Variants in FCSK observed in about 807,000 individuals in gnomAD.
The protein encoded by FCSK is fucose kinase.
FCSK carries 123 observed loss-of-function variants against 122.5 expected under a neutral mutation model. The ratio of observed to expected loss-of-function variants is 1.00; its 90% CI spans 0.87 to 1.17. FCSK has a LOEUF of 1.17. Ranked by LOEUF, FCSK falls within the 50% of genes most tolerant of loss-of-function variation. FCSK has a pLI of 0.00. For missense variants in FCSK, 1,366 were observed against 1,450.4 expected, an observed-to-expected ratio of 0.94 and a Z score of 0.95; for synonymous variants, 620 against 625.5, an observed-to-expected ratio of 0.99 and a Z score of 0.13.
intron 18 of FCSK, 91 bp downstream of exon 18, chr16:70,475,102 G>C: frequency 7.9e-7 from 1 of 1,258,914 alleles, no homozygotes; most frequent in African/African-American, 1.5e-5. Context: ...GGTCTGGCCT[G>C]AGGGCCAGCC....
chr16:70,474,173 G>C lies in FCSK; in HGVS notation c.1822G>C (p.Ala608Pro). Residue 608 changes from alanine (A) to proline (P), a missense_variant, in exon 16 of 24, where the codon GCC becomes CCC. Coordinates refer to ENST00000288078, the MANE Select transcript of FCSK (RefSeq NM_145059.3). ...GDPGVAARAL[A>P]CVADVLGCMA... ...CCCTGGTGTGGCGGCACGGGCACTG[G>C]CCTGTGTGGCGGACGTCCTGGGCTG... The C allele has an allele frequency of 6.4e-7, 1 of 1,561,324 alleles. No individual in the cohort carries two copies. The highest frequency in any genetic ancestry group is 8.7e-7 in the Non-Finnish European group (1 of 1,153,250).
rs2048892314 is a variant in FCSK, at chr16:70,478,634, T to G, written c.2913T>G (p.Ala971=). ...HSLVRQTEEC[A]EGFRQGSLPL... is the part of the protein sequence containing the mutation. ...TGGTACGGCAAACTGAGGAGTGTGC[T>G]GAAGGCTTCCGCCAAGGTGAGGGGC... The change falls in exon 22 of 24, where the codon GCT becomes GCG. Residue 971 remains alanine, a synonymous_variant. Coordinates refer to ENST00000288078, the MANE Select transcript of FCSK (RefSeq NM_145059.3). The G allele has an allele frequency of 6.2e-7, 1 of 1,613,578 alleles. No individual in the cohort carries two copies. Among genetic ancestry groups the G allele is most frequent in the Non-Finnish European group, 8.5e-7 (1 of 1,179,990 alleles).
rs781017031 is a variant in FCSK, at chr16:70,479,414, G to T, written c.3153+11G>T. ...CTGGCCAAGACCGAGGTACTGATGGGGCTGGGGTTGGTAAAGAGACCTCTG... is the reference window on the plus strand; with the variant it reads ...CTGGCCAAGACCGAGGTACTGATGGTGCTGGGGTTGGTAAAGAGACCTCTG... On this transcript the variant is annotated intron_variant, in intron 23 of 23. Coordinates refer to ENST00000288078, the MANE Select transcript of FCSK (RefSeq NM_145059.3). 6.2e-7 allele frequency: 1 copy of T among 1,607,480 alleles called. No individual in the cohort carries two copies. Among genetic ancestry groups the T allele is most frequent in the Admixed American group, 1.7e-5 (1 of 59,252 alleles).
intron 1 of FCSK, chr16:70,458,067 G>C (rs907913734): frequency 1.4e-5 from 2 of 138,534 alleles, no homozygotes; most frequent in Non-Finnish European, 3.0e-5. Context: ...GTCTAAGGGT[G>C]TTGTCAAGAT....
chr16:70,476,122 C>G (rs980516195), intron 20 of FCSK: 26 of 163,348 alleles, frequency 1.6e-4, no homozygotes, highest in African/African-American at 4.8e-4. Context: ...CCTGCCTCAG[C>G]CTCCCGAGTA....
Position 70,480,264 on chromosome 16 carries a change from C to T in FCSK, c.*584C>T, listed in dbSNP as rs2048952853. On this transcript the variant is annotated 3_prime_UTR_variant, in exon 24 of 24. Transcript: ENST00000288078. ...CTGGCATTCTTGGAATAAATTCACT[C>T]TGTCCTTGCAGGTGGTCCTCGTAAA... The T allele has an allele frequency of 6.5e-6, 1 of 153,658 alleles. No homozygotes were observed. Among genetic ancestry groups the T allele is most frequent in the Admixed American group, 6.5e-5 (1 of 15,444 alleles). 9.5% of individuals were successfully genotyped at this position (153,658 alleles called of 1,614,324 possible). A position where few individuals can be genotyped will look rare whatever the true frequency, so the allele number is the denominator to read the frequency against.
At chr16:70,471,534 C>T (rs1042482700) in intron 13 of FCSK, among the ~76,000 whole-genome samples, 182 bp downstream of exon 13, 1 of 152,208 alleles carries the variant, frequency 6.6e-6, no homozygotes, top group Admixed American at 6.5e-5. Flanking sequence ...GCTGTGAGAC[C>T]AGCAGAGTCT....
chr16:70,466,349 T>A, intron 5 of FCSK, 92 bp downstream of exon 5: 1 of 1,510,578 alleles, frequency 6.6e-7, no homozygotes, highest in Non-Finnish European at 9.0e-7. Flanking sequence ...CTGGCTCAGC[T>A]GGGAGAAGGA....
intron 8 of FCSK, among the ~76,000 whole-genome samples, 177 bp downstream of exon 8, chr16:70,468,143 C>T (rs1044861173): frequency 3.3e-5 from 5 of 152,122 alleles, no homozygotes; most frequent in African/African-American, 4.8e-5. Flanking sequence ...TAGAACCAGG[C>T]GGGCACGGTG....
Position 70,474,870 on chromosome 16 carries a change from C to T in FCSK, c.2236C>T (p.Arg746Trp), listed in dbSNP as rs773011854. The T allele has an allele frequency of 2.0e-5, 32 of 1,599,400 alleles. No homozygotes were observed. Among genetic ancestry groups the T allele is most frequent in the South Asian group, 1.1e-4 (10 of 89,224 alleles). The change falls in exon 18 of 24, where the codon CGG becomes TGG. Residue 746 changes from arginine (R) to tryptophan (W), a missense_variant. By Grantham distance (101) the Arg-to-Trp change is moderately radical (BLOSUM62 -3). Transcript: ENST00000288078. ...CCTGGCTGTGCGAGTGGACGGCCGCCGGCCCATCGGAGCCAGGGCACGCCG... is the reference window on the plus strand; with the variant it reads ...CCTGGCTGTGCGAGTGGACGGCCGCTGGCCCATCGGAGCCAGGGCACGCCG... ...LGLAVRVDGRRPIGARARRIP... is the reference protein window; with the variant it reads ...LGLAVRVDGRWPIGARARRIP...
chr16:70,475,963 C>T, intron 20 of FCSK, 196 bp downstream of exon 20: 1 of 537,642 alleles, frequency 1.9e-6, no homozygotes, highest in East Asian at 3.3e-5. Flanking sequence ...TCCCAACGAG[C>T]CGTTTCACAA....
chr16:70,478,726 A>C (rs981802296), intron 22 of FCSK, 76 bp downstream of exon 22: 8 of 1,213,984 alleles, frequency 6.6e-6, no homozygotes, highest in Non-Finnish European at 9.6e-6. Context: ...GGCCAGGGTC[A>C]TCTGCAGGCT....
intron 22 of FCSK, 31 bp from the exon 23 acceptor site, chr16:70,479,149 A>G: frequency 6.5e-7 from 1 of 1,541,068 alleles, no homozygotes; most frequent in Non-Finnish European, 8.9e-7. Flanking sequence ...ATCTTGGCCC[A>G]GGCACGTCAC....
intron 13 of FCSK, 36 bp from the exon 14 acceptor site, chr16:70,472,504 GC>G (rs750270343): frequency 1.3e-6 from 2 of 1,564,390 alleles, no homozygotes; most frequent in Non-Finnish European, 1.8e-6. Context: ...CTTTCCTGTG[GC>G]CCCTGCAGCC....
intron 1 of FCSK, chr16:70,457,797 A>G (rs2048135719): frequency 6.8e-6 from 1 of 147,458 alleles, no homozygotes; most frequent in Admixed American, 6.8e-5. Flanking sequence ...GGGGTTTGCC[A>G]TGTTGCTCAG....
chr16:70,478,527 C>T (rs772569355), intron 21 of FCSK, 24 bp from the exon 22 acceptor site: 2 of 1,613,514 alleles, frequency 1.2e-6, no homozygotes, highest in East Asian at 4.5e-5. Context: ...GTCCTCACCA[C>T]CCCTTCTCCT....
chr16:70,459,818 C>T (rs1052812980), intron 1 of FCSK, among the ~76,000 whole-genome samples: 2 of 145,550 alleles, frequency 1.4e-5, no homozygotes, highest in Non-Finnish European at 1.5e-5. Flanking sequence ...TTTTTTTTTT[C>T]GAGATAGATT....
At position 70,473,099 on chromosome 16, in the gene FCSK, T is replaced by C; in HGVS notation, c.1523T>C (p.Met508Thr). The change falls in exon 15 of 24, where the codon ATG becomes ACG. Residue 508 changes from methionine to threonine, a missense_variant. Met to Thr is a moderately conservative substitution (Grantham distance 81, BLOSUM62 -1). Coordinates refer to ENST00000288078, the MANE Select transcript of FCSK (RefSeq NM_145059.3). The surrounding 1 kb of genome is among the most constrained non-coding windows in gnomAD (Gnocchi z 4.9). ...CTGGGACCCCAGGACCTGCTGTGGATGCTGGACCACCAGGAGGATGGGGGC... is the reference window on the plus strand; with the variant it reads ...CTGGGACCCCAGGACCTGCTGTGGACGCTGGACCACCAGGAGGATGGGGGC... The part of the protein sequence containing the change: ...RELGPQDLLW[M>T]LDHQEDGGEA... 1 of 1,588,128 alleles carries C rather than the reference T, an allele frequency of 6.3e-7. No individual in the cohort carries two copies. Among genetic ancestry groups the C allele is most frequent in the Non-Finnish European group, 8.6e-7 (1 of 1,168,272 alleles).
chr16:70,467,360 G>A lies in FCSK; in HGVS notation c.485-14G>A. The A allele has an allele frequency of 1.9e-6, 3 of 1,593,188 alleles. No homozygotes were observed. The highest frequency in any genetic ancestry group is 2.6e-6 in the Non-Finnish European group (3 of 1,168,684). On this transcript the variant is annotated splice_polypyrimidine_tract_variant and intron_variant, in intron 6 of 23. Coordinates refer to ENST00000288078, the MANE Select transcript of FCSK (RefSeq NM_145059.3). The stretch of plus-strand genomic sequence containing the variant: ...GGAGGCCCCTGGGAGCCTCCTGACT[G>A]CCCCACCCCACAGGTATCAGCTGGG...
Sources: gnomAD v4.1 joint callset for allele counts (sites outside exome capture counted in the v4.1 genomes callset) on GRCh38, gnomAD v4.1.1 for gene constraint, Gnocchi (gnomAD v3.1) non-coding constraint, MANE v1.5 for transcripts, NCBI Gene and HGNC (gene_info 2026-07-23, HGNC 2026-07-21) for gene names.